The following CACNA2D4 variants were observed in gnomAD, a reference collection of about 807,000 sequenced individuals.
The protein encoded by CACNA2D4 is voltage-dependent calcium channel subunit alpha-2/delta-4.
Under a neutral mutation model 163.8 loss-of-function variants are expected in CACNA2D4, and 157 were observed. That is an observed-to-expected ratio of 0.96 (90% CI 0.84 to 1.09). The LOEUF (loss-of-function observed/expected upper bound fraction) is 1.09. Among genes scored for constraint, CACNA2D4 ranks in the 50% least tolerant of loss-of-function variants. The probability of loss-of-function intolerance (pLI) is 0.00; values close to 1 mark genes in which losing one functional copy is unlikely to be tolerated. For synonymous variants in CACNA2D4, 598 were observed against 586.9 expected, an observed-to-expected ratio of 1.02 and a Z score of -0.27; for missense variants, 1,410 against 1,479.9, an observed-to-expected ratio of 0.95 and a Z score of 0.78.
intron 3 of CACNA2D4, among the ~76,000 whole-genome samples, chr12:1,912,572 G>A (rs1866853878): frequency 1.5e-5 from 1 of 66,182 alleles, no homozygotes; most frequent in African/African-American, 6.8e-5. Flanking sequence ...GGACAGATGA[G>A]AAGGAGGAGA....
At position 1,814,264 on chromosome 12, in the gene CACNA2D4, G is replaced by T. The variant is rs185790032; in HGVS notation, c.2552-2541C>A. On this transcript the variant is annotated intron_variant, in intron 26 of 37. Coordinates refer to ENST00000382722, the MANE Select transcript of CACNA2D4 (RefSeq NM_172364.5). ...ACATGGGGAGTCTGGAGAGGGTGGGGGTGTAGGTGTTGAGGCTCCTTGGGC... is the reference window on the plus strand; with the variant it reads ...ACATGGGGAGTCTGGAGAGGGTGGGTGTGTAGGTGTTGAGGCTCCTTGGGC... Among the ~76,000 whole-genome samples the T allele has an allele frequency of 1.5e-3, 230 of 152,240 alleles. 1 individual carries two copies. The highest frequency in any genetic ancestry group is 5.4e-3 in the African/African-American group (226 of 41,542).
intron 4 of CACNA2D4, among the ~76,000 whole-genome samples, chr12:1,908,742 C>T (rs1866736621): frequency 1.5e-5 from 2 of 132,300 alleles, no homozygotes; most frequent in Admixed American, 7.4e-5. Flanking sequence ...ACGGACATCC[C>T]CACGCCAACT....
intron 18 of CACNA2D4, among the ~76,000 whole-genome samples, chr12:1,871,140 G>T (rs1441640767): frequency 1.6e-5 from 2 of 123,740 alleles, no homozygotes; most frequent in Non-Finnish European, 3.6e-5. Context: ...TGTGTTGCTG[G>T]TGTGTGTGTA....
intron 26 of CACNA2D4, among the ~76,000 whole-genome samples, chr12:1,840,197 A>G (rs1275075872): frequency 6.6e-6 from 1 of 152,128 alleles, no homozygotes; most frequent in Non-Finnish European, 1.5e-5. Context: ...AAAGTTTTCA[A>G]GAAGTTACCA....
chr12:1,834,740 C>G lies in CACNA2D4; in HGVS notation c.2551+5999G>C, dbSNP rs752644815. 5.1e-6 allele frequency: 8 copies of G among 1,569,384 alleles called. No individual in the cohort carries two copies. The Admixed American group carries it at 1.4e-4, about 27-fold the overall frequency. On this transcript the variant is annotated intron_variant, in intron 26 of 37. Transcript: ENST00000382722. This position sits in a 1 kb window ranked among gnomAD's most constrained non-coding sequence, Gnocchi z 7.6. The stretch of plus-strand genomic sequence containing the variant: ...GGCCTGAGCGCCCATCCCCACCCGG[C>G]CAGGTAGGAAGGGCGGGGAGAGCAC...
At chr12:1,906,428 G>C (rs1480748394) in intron 6 of CACNA2D4, among the ~76,000 whole-genome samples, 1 of 152,090 alleles carries the variant, frequency 6.6e-6, no homozygotes, top group Non-Finnish European at 1.5e-5. Flanking sequence ...ATCTGATAAG[G>C]GATCAATATT....
rs1866036970 is a variant in CACNA2D4, at chr12:1,882,870, G to A, written c.1482C>T (p.Ser494=). 6.2e-7 allele frequency: 1 copy of A among 1,613,728 alleles called. No individual in the cohort carries two copies. Residue 494 remains serine (S), a synonymous_variant, in exon 13 of 38, where the codon AGC becomes AGT. Transcript: ENST00000382722. Reference sequence around the variant, plus strand: ...TGGGAGCTGCTGCCAGGCTCACCTTGCTGTCCATGTAGGCCTCTGTCCAGA... The same window carrying A: ...TGGGAGCTGCTGCCAGGCTCACCTTACTGTCCATGTAGGCCTCTGTCCAGA... The part of the protein sequence containing the change: ...DIIWTEAYMD[S]KLLSSQAQSL...
rs1864424041 is a variant in CACNA2D4, at chr12:1,827,987, G to A, written c.2551+12752C>T. ...AGGAACAGGAGAGGGCATGAGGAGT[G>A]TAAAGAGACACCCGGGCCCTCTCCC... On this transcript the variant is annotated intron_variant, in intron 26 of 37. Transcript: ENST00000382722. 4 of 519,648 alleles carry A rather than the reference G, an allele frequency of 7.7e-6. No homozygotes were observed. In the South Asian group the frequency reaches 9.4e-5, roughly 12 times the overall value. The allele number at this position is 519,648 out of a possible 1,614,324, so 32.2% of individuals were successfully genotyped here.
chr12:1,853,436 T>C lies in CACNA2D4; in HGVS notation c.2246+515A>G, dbSNP rs143799147. 1.2e-4 allele frequency among the ~76,000 whole-genome samples: 18 copies of C among 151,938 alleles called. No individual in the cohort carries two copies. The East Asian group carries it at 3.3e-3, about 28-fold the overall frequency. ...AGGAGGTTTGACATCTTCACAATGT[T>C]GAATCTTCCTATTCAGGAGCAAGGT... On this transcript the variant is annotated intron_variant, in intron 23 of 37. Transcript: ENST00000382722.
intron 29 of CACNA2D4, chr12:1,809,564 C>T (rs1232733816): frequency 7.1e-6 from 5 of 702,920 alleles, no homozygotes; most frequent in Admixed American, 6.0e-5. Flanking sequence ...AGTTTGATTC[C>T]TGGCTAAAGG....
chr12:1,901,733 C>T (rs575783988), intron 6 of CACNA2D4, among the ~76,000 whole-genome samples: 63 of 152,156 alleles, frequency 4.1e-4, no homozygotes, highest in African/African-American at 1.3e-3. Context: ...TGGGACCTGA[C>T]GGCTTCAGAA....
rs756007755 is a variant in CACNA2D4, at chr12:1,882,909, G to A, written c.1443C>T (p.His481=). Residue 481 remains histidine (H), a synonymous_variant, in exon 13 of 38, where the codon CAC becomes CAT. Transcript: ENST00000382722. ...HVLSRPMVIN[H]DHDIIWTEAY... is the part of the protein sequence containing the mutation. Reference sequence around the variant, plus strand: ...CCTCTGTCCAGATGATGTCGTGGTCGTGGTTGATGACCATGGGGCGGCTGA... The same window carrying A: ...CCTCTGTCCAGATGATGTCGTGGTCATGGTTGATGACCATGGGGCGGCTGA... The A allele has an allele frequency of 3.0e-5, 49 of 1,613,672 alleles. No homozygotes were observed. Among genetic ancestry groups the A allele is most frequent in the South Asian group, 2.1e-4 (19 of 91,036 alleles).
At chr12:1,810,703 GGT>G (rs969776747) in intron 27 of CACNA2D4, 116 bp from the exon 28 acceptor site, 46 of 1,061,758 alleles carry the variant, frequency 4.3e-5, no homozygotes, top group Admixed American at 6.0e-5. Context: ...GTGTGCATGG[GGT>G]GTGTATCTGC....
chr12:1,886,491 G>A, intron 7 of CACNA2D4, 118 bp from the exon 8 acceptor site: 1 of 900,312 alleles, frequency 1.1e-6, no homozygotes, highest in South Asian at 1.7e-5. Flanking sequence ...CAAAGTTCAG[G>A]GCAACCCATC....
intron 6 of CACNA2D4, among the ~76,000 whole-genome samples, chr12:1,899,696 A>T (rs1393671233): frequency 6.6e-6 from 1 of 152,208 alleles, no homozygotes; most frequent in Admixed American, 6.5e-5. Flanking sequence ...TCTATCAAGC[A>T]TTTGAGGAAA....
rs138404053 is a variant in CACNA2D4 at position 1,839,513 on chromosome 12, C to T, written c.2551+1226G>A. Among the ~76,000 whole-genome samples, 8 of 152,344 alleles carry T rather than the reference C, an allele frequency of 5.3e-5. No individual in the cohort carries two copies. The East Asian group carries it at 5.8e-4, about 11-fold the overall frequency. ...ACAGGGCAGTGAACCTGGGTTCCAACGAGAGGCGGTCTGCGTTCAAATCCC... is the reference window on the plus strand; with the variant it reads ...ACAGGGCAGTGAACCTGGGTTCCAATGAGAGGCGGTCTGCGTTCAAATCCC... On this transcript the variant is annotated intron_variant, in intron 26 of 37. Transcript: ENST00000382722.
chr12:1,816,383 C>T (rs937306578), intron 26 of CACNA2D4, among the ~76,000 whole-genome samples: 2 of 152,300 alleles, frequency 1.3e-5, no homozygotes, highest in Middle Eastern at 3.4e-3. Flanking sequence ...CCCTGACCTT[C>T]GTCCCCAGGA....
chr12:1,916,367 AT>A (rs1255338588), intron 1 of CACNA2D4, among the ~76,000 whole-genome samples: 2 of 152,214 alleles, frequency 1.3e-5, no homozygotes, highest in African/African-American at 2.4e-5. Flanking sequence ...ACAAATCTGA[AT>A]TTAAAACCTC....
intron 6 of CACNA2D4, among the ~76,000 whole-genome samples, chr12:1,906,021 A>AC (rs532872241): frequency 4.0e-4 from 61 of 152,218 alleles, no homozygotes; most frequent in African/African-American, 1.4e-3. Context: ...CCAGAAATAA[A>AC]CCCCCACATA....
Sources: allele counts gnomAD v4.1 joint callset (sites outside exome capture counted in the v4.1 genomes callset), GRCh38; gene constraint gnomAD v4.1.1; non-coding constraint Gnocchi (gnomAD v3.1); transcripts MANE v1.5; gene names NCBI Gene and HGNC (gene_info 2026-07-23, HGNC 2026-07-21).